Variants in AFG2A observed in about 807,000 individuals in gnomAD.
AFG2A encodes the protein ATPase family gene 2 protein homolog A.
chr4:123,023,792 C>T, the AFG2A span, among the ~76,000 whole-genome samples: 1 of 152,024 alleles, frequency 6.6e-6, no homozygotes, highest in Non-Finnish European at 1.5e-5. Context: ...TATGATTACC[C>T]ACTGCCAGCT....
At chr4:122,976,209 T>A in the AFG2A span, among the ~76,000 whole-genome samples, 80 of 152,330 alleles carry the variant, frequency 5.3e-4, 1 homozygote, top group South Asian at 1.0e-3. Context: ...ATCTCTGAGA[T>A]TAAACTCCTT....
chr4:123,002,702 G>T, the AFG2A span, among the ~76,000 whole-genome samples: 1 of 152,106 alleles, frequency 6.6e-6, no homozygotes, highest in Non-Finnish European at 1.5e-5. Context: ...TTCCCTTTGT[G>T]GGTAACCTGA....
the AFG2A span, chr4:123,057,256 T>A: frequency 6.2e-7 from 1 of 1,613,982 alleles, no homozygotes. Context: ...TTTTCTTTGA[T>A]GAACTGGATG....
the AFG2A span, chr4:122,936,205 A>C: frequency 6.9e-7 from 1 of 1,446,258 alleles, no homozygotes; most frequent in South Asian, 1.3e-5. Flanking sequence ...AGGCTGTATT[A>C]GTCAAAGTGA....
the AFG2A span, among the ~76,000 whole-genome samples, chr4:123,210,975 A>G: frequency 6.6e-6 from 1 of 152,132 alleles, no homozygotes; most frequent in South Asian, 2.1e-4. Context: ...AATGTTTTAT[A>G]GAGGAAATGT....
chr4:122,928,385 T>G, the AFG2A span, among the ~76,000 whole-genome samples: 1 of 152,162 alleles, frequency 6.6e-6, no homozygotes, highest in East Asian at 1.9e-4. Flanking sequence ...CCCCTTATCT[T>G]TCATGGCTTC....
At chr4:123,288,892 G>C in the AFG2A span, among the ~76,000 whole-genome samples, 1 of 152,134 alleles carries the variant, frequency 6.6e-6, no homozygotes, top group Non-Finnish European at 1.5e-5. Context: ...TATTTAATCA[G>C]TTTCATTTGC....
the AFG2A span, chr4:123,315,735 A>T: frequency 6.6e-6 from 1 of 152,200 alleles, no homozygotes; most frequent in Non-Finnish European, 1.5e-5. Flanking sequence ...GAAATACCTG[A>T]TTATCAAAAT....
At chr4:123,274,044 TCTGAC>T in the AFG2A span, among the ~76,000 whole-genome samples, 1 of 152,176 alleles carries the variant, frequency 6.6e-6, no homozygotes, top group Non-Finnish European at 1.5e-5. Context: ...TTTCTTATTT[TCTGAC>T]CTGCTTGATA....
the AFG2A span, among the ~76,000 whole-genome samples, chr4:123,002,310 A>G: frequency 8.3e-4 from 126 of 152,044 alleles, no homozygotes; most frequent in African/African-American, 3.0e-3. Flanking sequence ...TTACATTTAA[A>G]GTTAATATCG....
At chr4:123,071,797 G>C in the AFG2A span, among the ~76,000 whole-genome samples, 1 of 152,022 alleles carries the variant, frequency 6.6e-6, no homozygotes, top group African/African-American at 2.4e-5. Context: ...CTAAAATCTA[G>C]TTTATCATGT....
the AFG2A span, among the ~76,000 whole-genome samples, chr4:123,166,041 A>G: frequency 2.6e-5 from 4 of 152,310 alleles, no homozygotes; most frequent in African/African-American, 9.6e-5. Context: ...CTTATGTCCA[A>G]TGGAGCATTG....
At chr4:123,290,605 G>A in the AFG2A span, among the ~76,000 whole-genome samples, 1 of 152,198 alleles carries the variant, frequency 6.6e-6, no homozygotes, top group East Asian at 1.9e-4. Flanking sequence ...TGTGGCTGAG[G>A]AGGCCTCACA....
chr4:123,048,058 T>C, the AFG2A span, among the ~76,000 whole-genome samples: 1 of 152,214 alleles, frequency 6.6e-6, no homozygotes, highest in Non-Finnish European at 1.5e-5. Flanking sequence ...AATGTGGATT[T>C]AGTTTCATCC....
At chr4:122,936,334 ATAT>A in the AFG2A span, among the ~76,000 whole-genome samples, 1 of 152,360 alleles carries the variant, frequency 6.6e-6, no homozygotes, top group African/African-American at 2.4e-5. Context: ...AGTTTGATAA[ATAT>A]TATTAAATTA....
the AFG2A span, among the ~76,000 whole-genome samples, chr4:123,149,982 A>G: frequency 2.8e-4 from 43 of 152,186 alleles, no homozygotes; most frequent in South Asian, 6.6e-3. Flanking sequence ...ATGCAAATCA[A>G]TAAACATAAT....
chr4:123,292,578 G>A, the AFG2A span, among the ~76,000 whole-genome samples: 13 of 152,144 alleles, frequency 8.5e-5, no homozygotes, highest in Non-Finnish European at 1.6e-4. Flanking sequence ...AATGTTTGCG[G>A]TATAGTCACC....
chr4:123,159,645 G>T, the AFG2A span, among the ~76,000 whole-genome samples: 1 of 152,302 alleles, frequency 6.6e-6, no homozygotes, highest in African/African-American at 2.4e-5. Context: ...TAGAGCCTGG[G>T]TTACAGGCTC....
At chr4:123,213,807 G>A in the AFG2A span, among the ~76,000 whole-genome samples, 1 of 152,148 alleles carries the variant, frequency 6.6e-6, no homozygotes, top group Non-Finnish European at 1.5e-5. Flanking sequence ...GCTAGGAAAT[G>A]AGACTTCCTT....
Sources: gnomAD v4.1 joint callset for allele counts (sites outside exome capture counted in the v4.1 genomes callset) on GRCh38, gnomAD v4.1.1 for gene constraint, MANE v1.5 for transcripts, NCBI Gene and HGNC (gene_info 2026-07-23, HGNC 2026-07-21) for gene names.